Variants in SPECC1L observed in about 807,000 individuals in gnomAD.
The protein encoded by SPECC1L is cytospin-A.
SPECC1L carries 40 observed loss-of-function variants against 116.8 expected under a neutral mutation model. The ratio of observed to expected loss-of-function variants is 0.34; its 90% CI spans 0.27 to 0.45. The LOEUF (loss-of-function observed/expected upper bound fraction) is 0.45. SPECC1L is among the 20% of genes least tolerant of loss of function. SPECC1L has a pLI of 1.00. For missense variants in SPECC1L, 1,110 were observed against 1,373.6 expected (o/e 0.81, Z 3.03); for synonymous variants, 504 against 500.6 (o/e 1.01, Z -0.09).
At chr22:24,299,850 A>G (rs1317469885) in intron 2 of SPECC1L, among the ~76,000 whole-genome samples, 1 of 152,162 alleles carries the variant, frequency 6.6e-6, no homozygotes, top group Non-Finnish European at 1.5e-5. Context: ...GCATGTCTAC[A>G]AAAAGAAACC....
chr22:24,414,871 C>G lies in SPECC1L; in HGVS notation c.*248C>G, dbSNP rs989293956. 5 of 543,042 alleles carry G rather than the reference C, an allele frequency of 9.2e-6. No individual in the cohort carries two copies. Among genetic ancestry groups the G allele is most frequent in the East Asian group, 3.2e-5 (1 of 31,514 alleles). 33.6% of individuals were successfully genotyped at this position (543,042 alleles called of 1,614,324 possible). ...TGGGCTCAGCACACATCCTGCAGGC[C>G]GGTGGCTGCTGGAGTTTTCCTTCTG... is the stretch of plus-strand genomic sequence containing the variant. On this transcript the variant is annotated 3_prime_UTR_variant, in exon 17 of 17. Transcript: ENST00000314328.
rs574766508 is a variant in SPECC1L at position 24,281,771 on chromosome 22, A to G, written c.-38+4968A>G. Among the ~76,000 whole-genome samples the G allele has an allele frequency of 3.8e-4, 58 of 152,022 alleles. 3 individuals are homozygous for G. In the South Asian group the frequency reaches 0.012, roughly 30 times the overall value. On this transcript the variant is annotated intron_variant, in intron 2 of 16. Transcript: ENST00000314328. Reference sequence around the variant, plus strand: ...TTTCTTCCCACTCTGAATGCCTTTTATTTGTTTTTCCTTCCTTTACTGCAC... The same window carrying G: ...TTTCTTCCCACTCTGAATGCCTTTTGTTTGTTTTTCCTTCCTTTACTGCAC...
intron 2 of SPECC1L, among the ~76,000 whole-genome samples, chr22:24,283,523 A>C (rs1168760961): frequency 2.0e-5 from 3 of 152,074 alleles, no homozygotes; most frequent in Non-Finnish European, 4.4e-5. Flanking sequence ...TTTTCACGAG[A>C]GATATGGGTC....
At chr22:24,305,399 A>G (rs1478360052) in intron 3 of SPECC1L, among the ~76,000 whole-genome samples, 1 of 152,138 alleles carries the variant, frequency 6.6e-6, no homozygotes. Context: ...GATTTTTGCC[A>G]GTTTTTGATC....
intron 14 of SPECC1L, among the ~76,000 whole-genome samples, chr22:24,389,197 A>T (rs150946172): frequency 6.7e-6 from 1 of 149,616 alleles, no homozygotes; most frequent in East Asian, 2.0e-4. Context: ...GCTTACTGCA[A>T]CCTCTGCCTC....
At chr22:24,317,244 G>A (rs1601543130) in intron 4 of SPECC1L, among the ~76,000 whole-genome samples, 1 of 108,214 alleles carries the variant, frequency 9.2e-6, no homozygotes, top group South Asian at 3.0e-4. Flanking sequence ...CGGATGGGGC[G>A]GCTGGCCGGG....
At chr22:24,289,640 G>A (rs1323178368) in intron 2 of SPECC1L, among the ~76,000 whole-genome samples, 1 of 151,820 alleles carries the variant, frequency 6.6e-6, no homozygotes, top group Non-Finnish European at 1.5e-5. Context: ...AAAACAAGTG[G>A]GAATACAGTT....
chr22:24,383,411 T>A (rs2042097887), intron 14 of SPECC1L, among the ~76,000 whole-genome samples: 1 of 152,152 alleles, frequency 6.6e-6, no homozygotes, highest in Non-Finnish European at 1.5e-5. Context: ...ACCCTGTCTC[T>A]ATAATTAATT....
At chr22:24,397,237 G>A (rs76790042) in intron 14 of SPECC1L, among the ~76,000 whole-genome samples, 5,141 of 152,266 alleles carry the variant, frequency 0.034, 177 homozygotes, top group African/African-American at 0.083. Context: ...TGAAAAGAAT[G>A]CTTCAGTTCC....
chr22:24,271,049 C>T (rs2048711745), intron 1 of SPECC1L, 66 bp downstream of exon 1: 1 of 152,468 alleles, frequency 6.6e-6, no homozygotes, highest in East Asian at 1.9e-4. Flanking sequence ...CAGCGCCGCC[C>T]GCGCTGCCGC....
intron 1 of SPECC1L, among the ~76,000 whole-genome samples, chr22:24,272,151 C>G (rs1404990115): frequency 6.6e-6 from 1 of 152,174 alleles, no homozygotes; most frequent in Non-Finnish European, 1.5e-5. Flanking sequence ...GAGGCCGGGG[C>G]GGGCGGATCA....
intron 2 of SPECC1L, among the ~76,000 whole-genome samples, chr22:24,279,327 G>A (rs1237132071): frequency 6.6e-6 from 1 of 152,138 alleles, no homozygotes; most frequent in Non-Finnish European, 1.5e-5. Flanking sequence ...CTACTCTGTT[G>A]GGCCTGGAAG....
Position 24,334,619 on chromosome 22 carries a change from C to T in SPECC1L, c.2560+46C>T, listed in dbSNP as rs5760351. 0.52 allele frequency: 828,545 copies of T among 1,601,382 alleles called. 216,029 individuals carry two copies. Among genetic ancestry groups the T allele is most frequent in the Admixed American group, 0.65 (38,760 of 59,990 alleles). ...TGTGCCTACTGCATGCGGTTGTGTT[C>T]ACTTACCTTATATTCTCTGGTCTGA... On this transcript the variant is annotated intron_variant, in intron 9 of 16. Coordinates refer to ENST00000314328, the MANE Select transcript of SPECC1L (RefSeq NM_015330.6).
At chr22:24,352,238 C>T (rs1048758398) in intron 11 of SPECC1L, among the ~76,000 whole-genome samples, 10 of 152,172 alleles carry the variant, frequency 6.6e-5, no homozygotes, top group Non-Finnish European at 7.3e-5. Context: ...CTGAAAAGCA[C>T]AGATTCTGCT....
chr22:24,352,510 T>C (rs908734611), intron 11 of SPECC1L, among the ~76,000 whole-genome samples: 1 of 152,192 alleles, frequency 6.6e-6, no homozygotes, highest in African/African-American at 2.4e-5. Flanking sequence ...GGCCAGAGAT[T>C]TTTATAAACT....
chr22:24,274,382 TTA>T (rs1469430765), intron 1 of SPECC1L, among the ~76,000 whole-genome samples: 1 of 152,182 alleles, frequency 6.6e-6, no homozygotes, highest in Non-Finnish European at 1.5e-5. Flanking sequence ...CAAGTAAGAT[TTA>T]GAGTTATTGT....
At chr22:24,328,180 C>G (rs1219221239) in intron 6 of SPECC1L, among the ~76,000 whole-genome samples, 1 of 152,162 alleles carries the variant, frequency 6.6e-6, no homozygotes, top group Non-Finnish European at 1.5e-5. Flanking sequence ...CTGTGCTACA[C>G]TTTCATCCTT....
intron 1 of SPECC1L, among the ~76,000 whole-genome samples, chr22:24,274,602 G>A (rs2048794963): frequency 6.6e-6 from 1 of 152,198 alleles, no homozygotes; most frequent in African/African-American, 2.4e-5. Flanking sequence ...AGAGAAGAGA[G>A]TGAATATCTT....
rs145506280 is a variant in SPECC1L at position 24,322,379 on chromosome 22, C to A, written c.1399C>A (p.Arg467Ser). ...CTTTAGTCGACAGATTGAATACTTC[C>A]GCTCTCTTCTAGATGAGCATCACAT... ...EHFSRQIEYFRSLLDEHHISY... is the reference protein window; with the variant it reads ...EHFSRQIEYFSSLLDEHHISY... Residue 467 changes from arginine (R) to serine (S), a missense_variant, in exon 5 of 17, where the codon CGC (arginine) becomes AGC (serine). Around this residue, in one of 4 missense-constraint regions of SPECC1L, gnomAD observed 575 missense variants for 682.4 expected, o/e 0.84. Transcript: ENST00000314328. 6.2e-7 allele frequency: 1 copy of A among 1,614,038 alleles called. No individual in the cohort carries two copies. The highest frequency in any genetic ancestry group is 1.3e-5 in the African/African-American group (1 of 74,898).
Sources: gnomAD v4.1 joint callset for allele counts (sites outside exome capture counted in the v4.1 genomes callset) on GRCh38, gnomAD v4.1.1 for gene constraint, gnomAD v4.1.1 regional missense constraint, MANE v1.5 for transcripts, NCBI Gene and HGNC (gene_info 2026-07-23, HGNC 2026-07-21) for gene names.